NEO1: variants seen among roughly 807,000 people sequenced by gnomAD.
NEO1 encodes the protein neogenin 1.
A neutral mutation model predicts 159.7 loss-of-function variants in NEO1; 63 were observed. The observed-to-expected ratio is 0.39, with a 90% CI of 0.32 to 0.49. NEO1 has a LOEUF of 0.49. Among genes scored for constraint, NEO1 ranks in the 20% least tolerant of loss-of-function variants. NEO1 has a pLI of 0.85. For synonymous variants in NEO1, 633 were observed against 662.0 expected (o/e 0.96, Z 0.67); for missense variants, 1,615 against 1,831.0 (o/e 0.88, Z 2.15).
At chr15:73,189,032 G>A (rs1033300611) in intron 7 of NEO1, among the ~76,000 whole-genome samples, 1 of 152,100 alleles carries the variant, frequency 6.6e-6, no homozygotes, top group African/African-American at 2.4e-5. Context: ...CTGAGAGGTC[G>A]AGGCTTCAAT....
At chr15:73,063,294 A>G (rs35284358) in intron 1 of NEO1, among the ~76,000 whole-genome samples, 1 of 151,936 alleles carries the variant, frequency 6.6e-6, no homozygotes, top group Non-Finnish European at 1.5e-5. Context: ...TATCATAACC[A>G]CCCACTCTAC....
At chr15:73,268,531 C>A (rs973011948) in intron 16 of NEO1, among the ~76,000 whole-genome samples, 1 of 152,180 alleles carries the variant, frequency 6.6e-6, no homozygotes, top group Non-Finnish European at 1.5e-5. Flanking sequence ...GTATGCTACT[C>A]CTCTGTTATT....
chr15:73,233,413 T>C (rs1220491344), intron 7 of NEO1, among the ~76,000 whole-genome samples: 5 of 152,216 alleles, frequency 3.3e-5, no homozygotes, highest in African/African-American at 9.6e-5. Context: ...GATTAAAATA[T>C]TGCCTTTTGT....
intron 1 of NEO1, among the ~76,000 whole-genome samples, chr15:73,070,448 G>T (rs950906888): frequency 6.6e-6 from 1 of 152,138 alleles, no homozygotes; most frequent in African/African-American, 2.4e-5. Flanking sequence ...ACTCAACTCG[G>T]TAGAAATATT....
At chr15:73,259,507 G>A (rs1379668735) in intron 14 of NEO1, among the ~76,000 whole-genome samples, 2 of 151,692 alleles carry the variant, frequency 1.3e-5, no homozygotes, top group Non-Finnish European at 2.9e-5. Flanking sequence ...GACCACGGGT[G>A]TGTGCCAACA....
At position 73,282,607 on chromosome 15, in the gene NEO1, G is replaced by A. The variant is rs1438361033; in HGVS notation, c.3263-357G>A. ...GAAAACTAAATGACTTATAAGTGGTGCTTTACAAAATGAGTTTATATATCA... is the reference window on the plus strand; with the variant it reads ...GAAAACTAAATGACTTATAAGTGGTACTTTACAAAATGAGTTTATATATCA... On this transcript the variant is annotated intron_variant, in intron 22 of 28. Transcript: ENST00000261908. Among the ~76,000 whole-genome samples the A allele has an allele frequency of 2.6e-5, 4 of 152,344 alleles. No homozygotes were observed. The East Asian group carries it at 7.7e-4, about 29-fold the overall frequency.
intron 28 of NEO1, among the ~76,000 whole-genome samples, chr15:73,301,835 T>C (rs2042629533): frequency 6.6e-6 from 1 of 152,064 alleles, no homozygotes; most frequent in African/African-American, 2.4e-5. Context: ...GCCTGGCTAT[T>C]GTTTTGTATT....
intron 1 of NEO1, among the ~76,000 whole-genome samples, chr15:73,086,684 CTTTTTTT>C (rs56321563): frequency 8.2e-6 from 1 of 122,044 alleles, no homozygotes; most frequent in Non-Finnish European, 1.6e-5. Flanking sequence ...TTCTAGATTT[CTTTTTTT>C]TTTTTTTTTT....
intron 2 of NEO1, 47 bp downstream of exon 2, chr15:73,116,904 CATACATCTTG>C (rs746717012): frequency 7.2e-7 from 1 of 1,397,360 alleles, no homozygotes; most frequent in Admixed American, 2.4e-5. Context: ...ATATTTATAA[CATACATCTTG>C]ATAAAAGCAC....
At chr15:73,280,954 C>T (rs2151085555) in intron 22 of NEO1, among the ~76,000 whole-genome samples, 1 of 151,824 alleles carries the variant, frequency 6.6e-6, no homozygotes, top group East Asian at 2.0e-4. Context: ...GCCTGTAATC[C>T]CAGCACTTTG....
At chr15:73,218,055 C>T (rs1328956290) in intron 7 of NEO1, among the ~76,000 whole-genome samples, 1 of 152,162 alleles carries the variant, frequency 6.6e-6, no homozygotes, top group African/African-American at 2.4e-5. Context: ...ATGATAGTGG[C>T]TGTGGGTTTG....
chr15:73,076,276 C>T (rs560476953), intron 1 of NEO1, among the ~76,000 whole-genome samples: 7 of 152,144 alleles, frequency 4.6e-5, no homozygotes, highest in Non-Finnish European at 8.8e-5. Context: ...TTTTTAGATA[C>T]GCAGAGACTG....
rs183719163 is a variant in NEO1 at position 73,183,170 on chromosome 15, T to C, written c.1291+4743T>C. Among the ~76,000 whole-genome samples, 17 of 152,188 alleles carry C rather than the reference T, an allele frequency of 1.1e-4. No individual in the cohort carries two copies. In the East Asian group the frequency reaches 3.3e-3, roughly 30 times the overall value. ...ACTACAGAAAGCCATCTCTGTGGTG[T>C]AGGGATGAAGGAAGTGATGATCTGC... On this transcript the variant is annotated intron_variant, in intron 7 of 28. Transcript: ENST00000261908.
intron 1 of NEO1, among the ~76,000 whole-genome samples, chr15:73,058,953 T>A (rs1595884286): frequency 6.6e-6 from 1 of 152,314 alleles, no homozygotes; most frequent in African/African-American, 2.4e-5. Flanking sequence ...CTCAGGTTAT[T>A]GTATATCTTT....
chr15:73,102,291 G>A (rs1243093593), intron 1 of NEO1, among the ~76,000 whole-genome samples: 8 of 152,174 alleles, frequency 5.3e-5, no homozygotes, highest in East Asian at 1.9e-4. Context: ...GCTTGAACCC[G>A]GGAGGCAGAG....
intron 21 of NEO1, among the ~76,000 whole-genome samples, chr15:73,276,348 A>T (rs888150229): frequency 2.6e-5 from 4 of 152,194 alleles, no homozygotes; most frequent in Non-Finnish European, 5.9e-5. Flanking sequence ...AATGCTCTGG[A>T]TAGTTTGGCT....
chr15:73,298,239 G>T (rs2042456791), intron 26 of NEO1, 109 bp from the exon 27 acceptor site: 2 of 1,310,908 alleles, frequency 1.5e-6, no homozygotes, highest in East Asian at 4.8e-5. Flanking sequence ...AGCACTGATC[G>T]CAAGTGCTAT....
At chr15:73,280,769 T>C (rs1309710420) in intron 22 of NEO1, among the ~76,000 whole-genome samples, 4 of 152,184 alleles carry the variant, frequency 2.6e-5, no homozygotes, top group African/African-American at 7.2e-5. Flanking sequence ...AAATGTAGAA[T>C]AGGCTCTTAA....
intron 1 of NEO1, among the ~76,000 whole-genome samples, chr15:73,105,816 A>G (rs2070660930): frequency 6.6e-6 from 1 of 152,174 alleles, no homozygotes; most frequent in Non-Finnish European, 1.5e-5. Context: ...GCATCTCATC[A>G]GGATGTTTAT....
Sources: allele counts gnomAD v4.1 joint callset (sites outside exome capture counted in the v4.1 genomes callset), GRCh38; gene constraint gnomAD v4.1.1; transcripts MANE v1.5; gene names NCBI Gene and HGNC (gene_info 2026-07-23, HGNC 2026-07-21).